Variants in CSMD1 observed in about 807,000 individuals in gnomAD.
The protein encoded by CSMD1 is CUB and Sushi multiple domains 1.
In CSMD1, 213 loss-of-function variants were observed where a neutral mutation model predicts 417.5. That is an observed-to-expected ratio of 0.51 (90% CI 0.46 to 0.57). CSMD1 has a LOEUF of 0.57. CSMD1 is among the 20% of genes least tolerant of loss of function. The pLI, the probability that CSMD1 is intolerant of heterozygous loss-of-function variation, is 0.00. For synonymous variants in CSMD1, 2,862 were observed against 1,736.8 expected, an observed-to-expected ratio of 1.65 and a Z score of -16.11; for missense variants, 6,923 against 4,529.7, an observed-to-expected ratio of 1.53 and a Z score of -15.17.
chr8:4,666,971 T>G (rs1217390736), intron 1 of CSMD1, among the ~76,000 whole-genome samples: 8 of 152,202 alleles, frequency 5.3e-5, no homozygotes, highest in Non-Finnish European at 8.8e-5. Context: ...TATGTAATTT[T>G]TATTCCTTTA....
chr8:4,283,113 T>C (rs1450998043), intron 3 of CSMD1, among the ~76,000 whole-genome samples: 2 of 152,224 alleles, frequency 1.3e-5, no homozygotes, highest in African/African-American at 4.8e-5. Flanking sequence ...TAGAAATTAC[T>C]ACCAGTAATC....
At chr8:4,126,654 T>C (rs547066729) in intron 3 of CSMD1, among the ~76,000 whole-genome samples, 28 of 152,258 alleles carry the variant, frequency 1.8e-4, no homozygotes, top group Admixed American at 1.8e-3. Flanking sequence ...TTTTCTTCTA[T>C]CTCCTTATTA....
chr8:4,166,949 T>C (rs999805405), intron 3 of CSMD1, among the ~76,000 whole-genome samples: 1 of 152,232 alleles, frequency 6.6e-6, no homozygotes, highest in Non-Finnish European at 1.5e-5. Context: ...GGCCACCATG[T>C]CAGACAGCAC....
In CSMD1 at chr8:2,950,165, T is replaced by C; in HGVS notation, c.10314+66A>G. ...CTCAGAAGCCTCCAATCCGTAGCCC[T>C]TGCATCTGCACAGAGAGATGATTAG... On this transcript the variant is annotated intron_variant, in intron 67 of 69. Transcript: ENST00000635120. The C allele has an allele frequency of 3.8e-6, 4 of 1,057,392 alleles. No homozygotes were observed. In the South Asian group the frequency reaches 5.2e-5, roughly 14 times the overall value. 65.5% of individuals were successfully genotyped at this position (1,057,392 alleles called of 1,614,324 possible).
intron 5 of CSMD1, among the ~76,000 whole-genome samples, chr8:3,829,367 C>G (rs1398173968): frequency 6.6e-6 from 1 of 152,176 alleles, no homozygotes; most frequent in African/African-American, 2.4e-5. Context: ...CTCTGTCAAA[C>G]TATACCCCTT....
intron 5 of CSMD1, among the ~76,000 whole-genome samples, chr8:3,868,986 T>C (rs932302173): frequency 1.3e-5 from 2 of 152,218 alleles, no homozygotes; most frequent in Non-Finnish European, 2.9e-5. Flanking sequence ...GCTCAGATGA[T>C]GCCGATGGCT....
chr8:4,714,161 G>C (rs923487433), intron 1 of CSMD1, among the ~76,000 whole-genome samples: 5 of 151,530 alleles, frequency 3.3e-5, no homozygotes, highest in Non-Finnish European at 5.9e-5. Context: ...AAAAAAAAAA[G>C]AATACCTTGT....
At chr8:4,937,662 A>C (rs1014406668) in intron 1 of CSMD1, among the ~76,000 whole-genome samples, 1 of 152,148 alleles carries the variant, frequency 6.6e-6, no homozygotes, top group Non-Finnish European at 1.5e-5. Context: ...GAATTATTTC[A>C]CCTCATTTAA....
At chr8:4,490,018 A>G (rs1365096151) in intron 2 of CSMD1, among the ~76,000 whole-genome samples, 3 of 150,154 alleles carry the variant, frequency 2.0e-5, no homozygotes, top group Non-Finnish European at 3.0e-5. Flanking sequence ...TTCCAGGTCA[A>G]TTTACGATAC....
intron 11 of CSMD1, among the ~76,000 whole-genome samples, chr8:3,474,181 A>G (rs10109783): frequency 0.18 from 26,970 of 152,102 alleles, 2,572 homozygotes; most frequent in African/African-American, 0.25. Context: ...CCCACATCCC[A>G]AAGCTGTGCA....
At chr8:3,739,887 T>C (rs1272112014) in intron 6 of CSMD1, among the ~76,000 whole-genome samples, 2 of 152,150 alleles carry the variant, frequency 1.3e-5, no homozygotes, top group African/African-American at 2.4e-5. Context: ...CTCCAGTAAA[T>C]AATGCTGGTT....
chr8:4,618,371 G>A (rs954284712), intron 2 of CSMD1, among the ~76,000 whole-genome samples: 4 of 152,030 alleles, frequency 2.6e-5, no homozygotes, highest in African/African-American at 9.7e-5. Flanking sequence ...GTCTGCAATG[G>A]AACAGTTTAC....
intron 3 of CSMD1, among the ~76,000 whole-genome samples, chr8:4,407,384 G>C (rs1324978854): frequency 6.6e-6 from 1 of 152,100 alleles, no homozygotes; most frequent in Non-Finnish European, 1.5e-5. Flanking sequence ...TTGTTTAACA[G>C]GCTAGAAGGC....
chr8:4,267,550 G>A, intron 3 of CSMD1, among the ~76,000 whole-genome samples: 1 of 151,856 alleles, frequency 6.6e-6, no homozygotes, highest in Non-Finnish European at 1.5e-5. Context: ...AATTGTAATA[G>A]AAATAGCAAT....
At chr8:3,806,802 G>C (rs1291174061) in intron 5 of CSMD1, among the ~76,000 whole-genome samples, 2 of 152,162 alleles carry the variant, frequency 1.3e-5, no homozygotes, top group Admixed American at 1.3e-4. Context: ...ACTAGGTGCA[G>C]CATAGTTCAG....
At chr8:3,906,634 T>A (rs145751714) in intron 5 of CSMD1, among the ~76,000 whole-genome samples, 9 of 152,016 alleles carry the variant, frequency 5.9e-5, no homozygotes, top group African/African-American at 2.2e-4. Flanking sequence ...AGCTTTTTTT[T>A]TTTTTCAGAT....
intron 3 of CSMD1, among the ~76,000 whole-genome samples, chr8:4,230,057 G>C (rs903127010): frequency 1.3e-5 from 2 of 152,102 alleles, no homozygotes; most frequent in Non-Finnish European, 2.9e-5. Context: ...ACGTGCGTGC[G>C]TGCACTCAGG....
intron 1 of CSMD1, among the ~76,000 whole-genome samples, chr8:4,747,089 C>A (rs547258410): frequency 4.6e-5 from 7 of 152,210 alleles, no homozygotes; most frequent in African/African-American, 1.7e-4. Context: ...GCTGCCTGCA[C>A]GACACAGGAA....
intron 41 of CSMD1, among the ~76,000 whole-genome samples, chr8:3,137,402 C>G (rs760511633): frequency 3.9e-5 from 6 of 152,198 alleles, no homozygotes; most frequent in Admixed American, 3.3e-4. Context: ...GGAATAAACA[C>G]CTCAAGTATG....
Sources: gnomAD v4.1 joint callset for allele counts (sites outside exome capture counted in the v4.1 genomes callset) on GRCh38, gnomAD v4.1.1 for gene constraint, MANE v1.5 for transcripts, NCBI Gene and HGNC (gene_info 2026-07-23, HGNC 2026-07-21) for gene names.